Variants in MAP3K5 observed in about 807,000 individuals in gnomAD.
MAP3K5 encodes ASK-1.
Under a neutral mutation model 158.7 loss-of-function variants are expected in MAP3K5, and 56 were observed. That is an observed-to-expected ratio of 0.35 (90% CI 0.28 to 0.44). The LOEUF (loss-of-function observed/expected upper bound fraction) is 0.44, where lower values mean the gene tolerates loss of function less well. Among genes scored for constraint, MAP3K5 ranks in the 20% least tolerant of loss-of-function variants. The pLI is 1.00. For synonymous variants in MAP3K5, 579 were observed against 601.7 expected (o/e 0.96, Z 0.55); for missense variants, 1,294 against 1,674.8 (o/e 0.77, Z 3.97).
At chr6:136,693,833 G>A (rs1035575451) in intron 7 of MAP3K5, among the ~76,000 whole-genome samples, 9 of 152,040 alleles carry the variant, frequency 5.9e-5, no homozygotes, top group Non-Finnish European at 1.2e-4. Flanking sequence ...TCCTAAAAAT[G>A]TAAAAATTAG....
At chr6:136,621,444 C>G (rs1253927887) in intron 15 of MAP3K5, among the ~76,000 whole-genome samples, 1 of 152,156 alleles carries the variant, frequency 6.6e-6, no homozygotes, top group African/African-American at 2.4e-5. Context: ...GTTGCTTAAA[C>G]TGTGTTTTTT....
intron 25 of MAP3K5, among the ~76,000 whole-genome samples, chr6:136,576,482 AT>A (rs1472860553): frequency 1.3e-5 from 2 of 151,788 alleles, no homozygotes; most frequent in Non-Finnish European, 2.9e-5. Flanking sequence ...ATTTATTTTT[AT>A]TTTTTTAGAG....
intron 7 of MAP3K5, among the ~76,000 whole-genome samples, chr6:136,674,020 A>T (rs1779596975): frequency 6.6e-6 from 1 of 152,156 alleles, no homozygotes; most frequent in Non-Finnish European, 1.5e-5. Flanking sequence ...CAGCCAGAGA[A>T]AAAAGATACA....
intron 23 of MAP3K5, among the ~76,000 whole-genome samples, chr6:136,588,869 G>C (rs1775256576): frequency 6.6e-6 from 1 of 152,164 alleles, no homozygotes; most frequent in African/African-American, 2.4e-5. Flanking sequence ...CCTCACTCTA[G>C]AGCACCTTCT....
At chr6:136,644,240 C>A (rs998134739) in intron 11 of MAP3K5, among the ~76,000 whole-genome samples, 13 of 152,170 alleles carry the variant, frequency 8.5e-5, no homozygotes, top group African/African-American at 2.7e-4. Context: ...TGCCAGGGAA[C>A]GTTCCATTTC....
intron 1 of MAP3K5, among the ~76,000 whole-genome samples, chr6:136,730,721 CAAAAAAAAAA>C (rs377188561): frequency 8.0e-5 from 7 of 87,382 alleles, no homozygotes; most frequent in African/African-American, 4.3e-4. Flanking sequence ...AACTCTGCCT[CAAAAAAAAAA>C]AAAAAAAAAA....
chr6:136,653,590 G>A (rs1190036804), intron 10 of MAP3K5, among the ~76,000 whole-genome samples: 1 of 152,108 alleles, frequency 6.6e-6, no homozygotes, highest in African/African-American at 2.4e-5. Context: ...TCCGGAAGTG[G>A]TTACAACTTA....
rs1359590055 is a variant in MAP3K5, at chr6:136,567,643, A to C, written c.3749T>G (p.Ile1250Arg). The change falls in exon 26 of 30, where the codon ATA (isoleucine) becomes AGA (arginine). Residue 1250 changes from isoleucine (I) to arginine (R), a missense_variant. Coordinates refer to ENST00000359015, the MANE Select transcript of MAP3K5 (RefSeq NM_005923.4). The stretch of plus-strand genomic sequence containing the variant: ...GTGTAGGACTTACCTATTGGTTTCT[A>C]TTTTCATCCTTCCAAGCTGTACATT... ...SLNVQLGRMK[I>R]ETNRLLEELV... The C allele has an allele frequency of 6.2e-7, 1 of 1,613,820 alleles. No homozygotes were observed. Among genetic ancestry groups the C allele is most frequent in the Non-Finnish European group, 8.5e-7 (1 of 1,179,812 alleles).
chr6:136,711,973 C>T (rs1287992508), intron 2 of MAP3K5, among the ~76,000 whole-genome samples: 1 of 152,116 alleles, frequency 6.6e-6, no homozygotes, highest in Non-Finnish European at 1.5e-5. Flanking sequence ...TTAAAACAAC[C>T]TGTACCAAAA....
At position 136,605,318 on chromosome 6, in the gene MAP3K5, C is replaced by A; in HGVS notation, c.2570G>T (p.Gly857Val). ...CCAGATGTCTGCTGCTTTTCCGTAG[C>A]CTCTTGGTCCTTTATCTATTATTTC... ...APEIIDKGPR[G>V]YGKAADIWSL... Residue 857 changes from glycine (G) to valine (V), a missense_variant, in exon 19 of 30, where the codon GGC becomes GTC. Coordinates refer to ENST00000359015, the MANE Select transcript of MAP3K5 (RefSeq NM_005923.4). The A allele has an allele frequency of 6.2e-7, 1 of 1,614,036 alleles. No homozygotes were observed. The highest frequency in any genetic ancestry group is 8.5e-7 in the Non-Finnish European group (1 of 1,179,962).
chr6:136,587,701 C>T (rs1166662358), intron 23 of MAP3K5, among the ~76,000 whole-genome samples: 1 of 152,204 alleles, frequency 6.6e-6, no homozygotes, highest in African/African-American at 2.4e-5. Context: ...AAGGGCCCCA[C>T]CATCATGTGG....
intron 2 of MAP3K5, among the ~76,000 whole-genome samples, chr6:136,718,327 C>T (rs898623337): frequency 6.6e-6 from 1 of 152,036 alleles, no homozygotes. Flanking sequence ...CTCATGCCTC[C>T]CAAGTAGCTG....
At chr6:136,617,721 G>T (rs1018342118) in intron 15 of MAP3K5, among the ~76,000 whole-genome samples, 1 of 152,076 alleles carries the variant, frequency 6.6e-6, no homozygotes, top group East Asian at 1.9e-4. Flanking sequence ...ATCACTTGAG[G>T]TCAGGAGTTC....
At chr6:136,701,218 C>A (rs1279310739) in intron 3 of MAP3K5, among the ~76,000 whole-genome samples, 1 of 152,220 alleles carries the variant, frequency 6.6e-6, no homozygotes, top group Non-Finnish European at 1.5e-5. Flanking sequence ...ACAGCAGACA[C>A]ACCTGCTCTC....
At chr6:136,691,850 A>G (rs1299231823) in intron 7 of MAP3K5, among the ~76,000 whole-genome samples, 1 of 152,068 alleles carries the variant, frequency 6.6e-6, no homozygotes, top group Admixed American at 6.6e-5. Flanking sequence ...CAGTTTCCAA[A>G]TATCTCCTAT....
At chr6:136,571,223 C>T (rs1405905241) in intron 25 of MAP3K5, among the ~76,000 whole-genome samples, 4 of 152,204 alleles carry the variant, frequency 2.6e-5, no homozygotes, top group Non-Finnish European at 5.9e-5. Context: ...AACTTTCTTT[C>T]TGTCACTCAA....
intron 7 of MAP3K5, among the ~76,000 whole-genome samples, chr6:136,669,630 C>T (rs1354258733): frequency 7.3e-6 from 1 of 136,654 alleles, no homozygotes; most frequent in African/African-American, 2.8e-5. Context: ...TAACCCTAGT[C>T]TTTAAAAAAA....
At chr6:136,676,567 G>T (rs1779710544) in intron 7 of MAP3K5, among the ~76,000 whole-genome samples, 1 of 151,748 alleles carries the variant, frequency 6.6e-6, no homozygotes, top group South Asian at 2.1e-4. Flanking sequence ...TTTACACAGG[G>T]TCTGTCATGA....
intron 8 of MAP3K5, among the ~76,000 whole-genome samples, chr6:136,663,533 G>GT (rs77357087): frequency 0.37 from 54,318 of 148,318 alleles, 10,556 homozygotes; most frequent in Middle Eastern, 0.45. Context: ...GTCTCTTATA[G>GT]TTTTTTTTTC....
Sources: allele counts gnomAD v4.1 joint callset (sites outside exome capture counted in the v4.1 genomes callset), GRCh38; gene constraint gnomAD v4.1.1; transcripts MANE v1.5; gene names NCBI Gene and HGNC (gene_info 2026-07-23, HGNC 2026-07-21).